The following AASDH variants were observed in gnomAD, a reference collection of about 807,000 sequenced individuals.
The protein encoded by AASDH is beta-alanine-activating enzyme.
Under a neutral mutation model 102.3 loss-of-function variants are expected in AASDH, and 81 were observed. That is an observed-to-expected ratio of 0.79 (90% confidence interval 0.66 to 0.95). AASDH has a LOEUF of 0.95. AASDH is among the 40% of genes least tolerant of loss of function. AASDH has a pLI of 0.00. For synonymous variants in AASDH, 398 were observed against 454.0 expected (o/e 0.88, Z 1.57); for missense variants, 1,203 against 1,266.2 (o/e 0.95, Z 0.76).
intron 6 of AASDH, 136 bp downstream of exon 6, chr4:56,355,046 G>T: frequency 8.6e-7 from 1 of 1,158,398 alleles, no homozygotes. Context: ...GAAGGTTCTG[G>T]ATTCCCAACT....
At chr4:56,365,788 C>A (rs1016779641) in intron 5 of AASDH, among the ~76,000 whole-genome samples, 4 of 152,072 alleles carry the variant, frequency 2.6e-5, no homozygotes, top group Non-Finnish European at 4.4e-5. Context: ...AAATTGACAA[C>A]CTAACATCTT....
intron 5 of AASDH, among the ~76,000 whole-genome samples, chr4:56,362,674 T>C (rs915792625): frequency 4.6e-5 from 7 of 152,184 alleles, no homozygotes; most frequent in Admixed American, 3.9e-4. Context: ...AAGTGTATAT[T>C]ATATCAAAGC....
chr4:56,343,365 CAT>C (rs10562096), intron 13 of AASDH, among the ~76,000 whole-genome samples, 195 bp downstream of exon 13: 4,597 of 150,902 alleles, frequency 0.03, 126 homozygotes, highest in Admixed American at 0.074. Flanking sequence ...CAAAAAAATA[CAT>C]ATATATATAT....
intron 12 of AASDH, 66 bp from the exon 13 acceptor site, chr4:56,343,750 T>C: frequency 6.8e-7 from 1 of 1,466,862 alleles, no homozygotes; most frequent in East Asian, 2.4e-5. Context: ...AACCTACCCT[T>C]CATGATATTA....
Position 56,353,597 on chromosome 4 carries a change from C to T in AASDH, c.1384-1G>A. On this transcript the variant is annotated splice_acceptor_variant, in intron 8 of 14. Transcript: ENST00000205214. LOFTEE classifies it high-confidence loss of function. ...CCACTTGCTGAAGCTCTTCAGCAAC[C>T]TATAAGAGAGATTATCCTAATTTGC... The T allele has an allele frequency of 6.3e-7, 1 of 1,584,122 alleles. No homozygotes were observed. Among genetic ancestry groups the T allele is most frequent in the South Asian group, 1.2e-5 (1 of 84,620 alleles).
At chr4:56,369,106 T>C (rs1271666325) in intron 5 of AASDH, among the ~76,000 whole-genome samples, 2 of 152,172 alleles carry the variant, frequency 1.3e-5, no homozygotes, top group South Asian at 2.1e-4. Flanking sequence ...TGAAACTATA[T>C]GCAATATTTG....
rs150735491 is a variant in AASDH at position 56,345,090 on chromosome 4, C to T, written c.2652+37G>A. 276 of 1,600,970 alleles carry T rather than the reference C, an allele frequency of 1.7e-4. No individual in the cohort carries two copies. In the African/African-American group the frequency reaches 2.9e-3, roughly 17 times the overall value. On this transcript the variant is annotated intron_variant, in intron 12 of 14. Transcript: ENST00000205214. ...TGGAGTAACTACCATTACAGGCATGCGCCACCATGCCCAGCTAATTTGAGG... is the reference window on the plus strand; with the variant it reads ...TGGAGTAACTACCATTACAGGCATGTGCCACCATGCCCAGCTAATTTGAGG...
intron 5 of AASDH, 70 bp downstream of exon 5, chr4:56,371,381 A>G: frequency 6.8e-7 from 1 of 1,461,422 alleles, no homozygotes; most frequent in Non-Finnish European, 9.2e-7. Context: ...ACAGGAATAC[A>G]AAATATTCTC....
Position 56,345,218 on chromosome 4 carries a change from T to A in AASDH, c.2561A>T (p.Asp854Val). The change falls in exon 12 of 15, where the codon GAT (aspartate) becomes GTT (valine). Residue 854 changes from aspartate (D) to valine (V), a missense_variant. Physicochemically the swap from Asp to Val is radical, Grantham distance 152 (BLOSUM62 -3). Coordinates refer to ENST00000205214, the MANE Select transcript of AASDH (RefSeq NM_181806.4). ...GEKYWMFTTE[D>V]AVKSSATMDP... ...CATGGTTGCCGAGCTTTTGACAGCA[T>A]CTTCAGTAGTAAACATCCAGTATTT... 1 of 1,614,064 alleles carries A rather than the reference T, an allele frequency of 6.2e-7. No individual in the cohort carries two copies.
chr4:56,338,515 C>T lies in AASDH; in HGVS notation c.3184G>A (p.Glu1062Lys), dbSNP rs1299266148. 1 of 1,613,884 alleles carries T rather than the reference C, an allele frequency of 6.2e-7. No individual in the cohort carries two copies. The highest frequency in any genetic ancestry group is 1.7e-5 in the Admixed American group (1 of 59,976). ...SQSGQLQSVY[E>K]LPGEVFSSPV... ...GAAGAGAAGACTTCTCCAGGAAGTT[C>T]ATAAACACTTTGCAATTGTCCACTC... is the stretch of plus-strand genomic sequence containing the variant. Residue 1062 changes from glutamate (E) to lysine (K), a missense_variant, in exon 15 of 15, where the codon GAA (glutamate) becomes AAA (lysine). Transcript: ENST00000205214.
intron 11 of AASDH, chr4:56,349,036 T>G (rs368937860): frequency 5.0e-5 from 27 of 544,478 alleles, no homozygotes; most frequent in East Asian, 3.5e-4. Flanking sequence ...AGAGGTTCAG[T>G]AACTTGCCAA....
chr4:56,373,567 T>C (rs1751990127), intron 4 of AASDH, among the ~76,000 whole-genome samples: 1 of 152,170 alleles, frequency 6.6e-6, no homozygotes, highest in Admixed American at 6.5e-5. Context: ...TCTGAAGTCC[T>C]TCCAATGTCC....
intron 5 of AASDH, among the ~76,000 whole-genome samples, chr4:56,369,957 A>C (rs1124570): frequency 0.36 from 53,843 of 150,812 alleles, 10,134 homozygotes; most frequent in Non-Finnish European, 0.43. Context: ...AAAAAAAAAA[A>C]AAAAAACAGA....
rs1032694635 is a variant in AASDH at position 56,351,413 on chromosome 4, T to A, written c.1621A>T (p.Ile541Leu). The A allele has an allele frequency of 1.2e-6, 2 of 1,603,568 alleles. No individual in the cohort carries two copies. Among genetic ancestry groups the A allele is most frequent in the African/African-American group, 2.7e-5 (2 of 74,596 alleles). The change falls in exon 10 of 15, where the codon ATA (isoleucine) becomes TTA (leucine). Residue 541 changes from isoleucine (I) to leucine (L), a missense_variant. Transcript: ENST00000205214. Reference protein sequence around the residue: ...SELNKIYLNYINLKSENKLSG... With the variant: ...SELNKIYLNYLNLKSENKLSG... ...AGCTTATTCTCAGACTTCAAGTTTA[T>A]GTAGTTTAAATATATCTTGTTTAAC...
intron 5 of AASDH, among the ~76,000 whole-genome samples, chr4:56,368,612 T>C (rs1303074164): frequency 6.7e-6 from 1 of 148,960 alleles, no homozygotes; most frequent in East Asian, 2.0e-4. Flanking sequence ...AGCAAACTAT[T>C]GCAAGGACAA....
chr4:56,376,019 C>CTTTTTTTTT (rs67950154), intron 4 of AASDH, among the ~76,000 whole-genome samples: 1 of 106,746 alleles, frequency 9.4e-6, no homozygotes, highest in African/African-American at 3.6e-5. Context: ...AACCGCTCAT[C>CTTTTTTTTT]TTTTTTTTTT....
In AASDH at chr4:56,381,509, C is replaced by T. The variant is rs193104135; in HGVS notation, c.351+968G>A. Among the ~76,000 whole-genome samples, 47 of 151,564 alleles carry T rather than the reference C, an allele frequency of 3.1e-4. No homozygotes were observed. In the South Asian group the frequency reaches 3.7e-3, roughly 12 times the overall value. ...ACAAGAACCGCTTGAACCTGGGAGG[C>T]GGAGGTTGCAGTGAGCTGAGATCGC... On this transcript the variant is annotated intron_variant, in intron 3 of 14. Coordinates refer to ENST00000205214, the MANE Select transcript of AASDH (RefSeq NM_181806.4).
chr4:56,381,622 C>T (rs1404114376), intron 3 of AASDH: 9 of 134,282 alleles, frequency 6.7e-5, no homozygotes, highest in African/African-American at 2.6e-4. Flanking sequence ...AGAAAGTCCC[C>T]CATATACCTC....
chr4:56,359,347 CCTCCCGA>C (rs1283134092), intron 5 of AASDH, among the ~76,000 whole-genome samples: 1 of 152,066 alleles, frequency 6.6e-6, no homozygotes, highest in Non-Finnish European at 1.5e-5. Context: ...CTGCCTCCCG[CCTCCCGA>C]GTTCAAGTGA....
Sources: allele counts gnomAD v4.1 joint callset (sites outside exome capture counted in the v4.1 genomes callset), GRCh38; gene constraint gnomAD v4.1.1; transcripts MANE v1.5; gene names NCBI Gene and HGNC (gene_info 2026-07-23, HGNC 2026-07-21).